The following FARS2 variants were observed in gnomAD, a reference collection of about 807,000 sequenced individuals.
The protein encoded by FARS2 is phenylalanyl-tRNA synthetase 2, mitochondrial, also known as phenylalanine--tRNA ligase, mitochondrial.
In FARS2, 40 loss-of-function variants were observed where a neutral mutation model predicts 46.4. That is an observed-to-expected ratio of 0.86 (90% CI 0.67 to 1.12). The LOEUF (loss-of-function observed/expected upper bound fraction) is 1.12, where lower values mean the gene tolerates loss of function less well. Among genes scored for constraint, FARS2 ranks in the 50% most tolerant of loss-of-function variants. The pLI, the probability that FARS2 is intolerant of heterozygous loss-of-function variation, is 0.00. For missense variants in FARS2, 513 were observed against 567.9 expected (o/e 0.90, Z 0.98); for synonymous variants, 234 against 214.9 (o/e 1.09, Z -0.78).
chr6:5,526,789 G>T (rs1021040091), intron 4 of FARS2, among the ~76,000 whole-genome samples: 4 of 151,912 alleles, frequency 2.6e-5, no homozygotes, highest in Non-Finnish European at 4.4e-5. Context: ...GTTAATTTTT[G>T]TGTATTTAGT....
chr6:5,362,251 T>C (rs1165662658), intron 1 of FARS2, among the ~76,000 whole-genome samples: 1 of 152,220 alleles, frequency 6.6e-6, no homozygotes, highest in Non-Finnish European at 1.5e-5. Flanking sequence ...GTTATATTCC[T>C]TCAAGATACT....
chr6:5,270,563 T>C lies in FARS2; in HGVS notation c.-22+8903T>C, dbSNP rs1361696115. Among the ~76,000 whole-genome samples, 4 of 152,366 alleles carry C rather than the reference T, an allele frequency of 2.6e-5. No individual in the cohort carries two copies. The East Asian group carries it at 7.7e-4, about 29-fold the overall frequency. ...TGTTTGCTGAAATTTTTCTGTTGTC[T>C]TGAAAGCTATTTGAAAATGAAATGT... On this transcript the variant is annotated intron_variant, in intron 1 of 6. Transcript: ENST00000274680.
chr6:5,430,879 A>G (rs1763122066), intron 3 of FARS2, among the ~76,000 whole-genome samples, 162 bp from the exon 4 acceptor site: 1 of 152,172 alleles, frequency 6.6e-6, no homozygotes, highest in South Asian at 2.1e-4. Flanking sequence ...ACAAGTTTTA[A>G]GATTTATTGC....
rs986817691 is a variant in FARS2, at chr6:5,442,418, C to T, written c.904+11246C>T. On this transcript the variant is annotated intron_variant, in intron 4 of 6. Transcript: ENST00000274680. ...GAATGTGTATATATATATATATACA[C>T]ACACACACACATTTCTTTTTTTTGA... Among the ~76,000 whole-genome samples the T allele has an allele frequency of 2.2e-3, 334 of 151,596 alleles. 3 individuals carry two copies. Among genetic ancestry groups the T allele is most frequent in the African/African-American group, 7.8e-3 (323 of 41,318 alleles).
In FARS2 at chr6:5,471,929, T is replaced by C. The variant is rs1458322490; in HGVS notation, c.904+40757T>C. 6.6e-6 allele frequency among the ~76,000 whole-genome samples: 1 copy of C among 152,164 alleles called. No individual in the cohort carries two copies. The highest frequency in any genetic ancestry group is 1.5e-5 in the Non-Finnish European group (1 of 68,032). The stretch of plus-strand genomic sequence containing the variant: ...CCAAAGAAAGGGCATTTGCCACAGC[T>C]CAGGAGCCTGCCTGAAAATGAATGA... On this transcript the variant is annotated intron_variant, in intron 4 of 6. Coordinates refer to ENST00000274680, the MANE Select transcript of FARS2 (RefSeq NM_006567.5). This position sits in a 1 kb window ranked among gnomAD's most constrained non-coding sequence, Gnocchi z 4.1.
At chr6:5,579,507 C>T (rs1773202479) in intron 5 of FARS2, among the ~76,000 whole-genome samples, 1 of 152,184 alleles carries the variant, frequency 6.6e-6, no homozygotes, top group Non-Finnish European at 1.5e-5. Flanking sequence ...CTCTTGACCT[C>T]AGGTGATCCA....
chr6:5,385,448 G>A (rs4295528), intron 2 of FARS2, among the ~76,000 whole-genome samples: 59,091 of 149,412 alleles, frequency 0.4, 12,214 homozygotes, highest in East Asian at 0.55. Flanking sequence ...TTTGAGACGG[G>A]GTCTTGCTCT....
chr6:5,589,620 C>A (rs1773805820), intron 5 of FARS2, among the ~76,000 whole-genome samples: 1 of 152,200 alleles, frequency 6.6e-6, no homozygotes, highest in African/African-American at 2.4e-5. Context: ...TGCAGTGATT[C>A]CTTAAGTGTT....
At chr6:5,626,787 C>T (rs903950377) in intron 6 of FARS2, among the ~76,000 whole-genome samples, 9 of 152,152 alleles carry the variant, frequency 5.9e-5, no homozygotes, top group East Asian at 1.9e-4. Context: ...CATCACTTAA[C>T]GACGGGGATA....
intron 1 of FARS2, among the ~76,000 whole-genome samples, chr6:5,366,714 C>T (rs550916136): frequency 6.6e-6 from 1 of 152,278 alleles, no homozygotes; most frequent in South Asian, 2.1e-4. Flanking sequence ...CAGCAGCCCA[C>T]AAATAACTGG....
At chr6:5,273,766 T>C (rs1201837638) in intron 1 of FARS2, among the ~76,000 whole-genome samples, 2 of 152,208 alleles carry the variant, frequency 1.3e-5, no homozygotes, top group Non-Finnish European at 2.9e-5. Context: ...TCCTGGGTTG[T>C]TTCCCCAATG....
chr6:5,735,783 C>T (rs953047660), intron 6 of FARS2, among the ~76,000 whole-genome samples: 27 of 152,172 alleles, frequency 1.8e-4, no homozygotes, highest in African/African-American at 6.3e-4. Flanking sequence ...CCTTCATCCC[C>T]AGCCTATCGA....
intron 1 of FARS2, among the ~76,000 whole-genome samples, chr6:5,300,406 T>A (rs563642170): frequency 6.6e-6 from 1 of 152,360 alleles, no homozygotes; most frequent in South Asian, 2.1e-4. Context: ...AAGGGACATC[T>A]GATGGTGATC....
At chr6:5,548,934 A>G (rs1771202175) in intron 5 of FARS2, among the ~76,000 whole-genome samples, 1 of 152,264 alleles carries the variant, frequency 6.6e-6, no homozygotes, top group Admixed American at 6.5e-5. Context: ...TTTGTGAAGT[A>G]TAGATTATAG....
At chr6:5,491,988 C>G (rs923582833) in intron 4 of FARS2, among the ~76,000 whole-genome samples, 3 of 151,946 alleles carry the variant, frequency 2.0e-5, no homozygotes, top group Non-Finnish European at 4.4e-5. Context: ...CTAACAAATT[C>G]AGTAACCAAA....
rs537956473 is a variant in FARS2 at position 5,576,567 on chromosome 6, GTATATATCTATGA to G, written c.1065+31234_1065+31246del. ...CATTCATATATATATCATATATAGAGTATATATCTATGATATATACTCTATATATGATATATTA... is the reference window on the plus strand; with the variant it reads ...CATTCATATATATATCATATATAGAGTATATACTCTATATATGATATATTA... On this transcript the variant is annotated intron_variant, in intron 5 of 6. Coordinates refer to ENST00000274680, the MANE Select transcript of FARS2 (RefSeq NM_006567.5). Among the ~76,000 whole-genome samples the G allele has an allele frequency of 5.6e-3, 808 of 145,284 alleles. 7 individuals are homozygous for G. The highest frequency in any genetic ancestry group is 0.019 in the African/African-American group (748 of 39,696).
chr6:5,691,361 G>C (rs1166431781), intron 6 of FARS2, among the ~76,000 whole-genome samples: 1 of 152,142 alleles, frequency 6.6e-6, no homozygotes, highest in Non-Finnish European at 1.5e-5. Flanking sequence ...GTACAGATGG[G>C]GTTTTGGTGT....
At chr6:5,439,681 A>G (rs183680845) in intron 4 of FARS2, among the ~76,000 whole-genome samples, 23 of 152,218 alleles carry the variant, frequency 1.5e-4, no homozygotes, top group African/African-American at 5.5e-4. Context: ...CGTGACACAC[A>G]TATGTGGTAC....
chr6:5,270,622 A>G (rs1765877278), intron 1 of FARS2, among the ~76,000 whole-genome samples: 1 of 152,296 alleles, frequency 6.6e-6, no homozygotes, highest in South Asian at 2.1e-4. Context: ...TATGTTCCTT[A>G]GATATATATG....
Sources: gnomAD v4.1 joint callset for allele counts (sites outside exome capture counted in the v4.1 genomes callset) on GRCh38, gnomAD v4.1.1 for gene constraint, Gnocchi (gnomAD v3.1) non-coding constraint, MANE v1.5 for transcripts, NCBI Gene and HGNC (gene_info 2026-07-23, HGNC 2026-07-21) for gene names.